Variants in TMEFF2 observed in about 807,000 individuals in gnomAD.
TMEFF2 encodes the protein tomoregulin-2.
Under a neutral mutation model 53.8 loss-of-function variants are expected in TMEFF2, and 28 were observed. That is an observed-to-expected ratio of 0.52 (90% confidence interval 0.39 to 0.71). The LOEUF (loss-of-function observed/expected upper bound fraction) is 0.71, where lower values mean the gene tolerates loss of function less well. Ranked by LOEUF, TMEFF2 falls within the 30% of genes least tolerant of loss-of-function variation. The probability of loss-of-function intolerance (pLI) is 0.00; values close to 1 mark genes in which losing one functional copy is unlikely to be tolerated. For synonymous variants in TMEFF2, 162 were observed against 166.3 expected (o/e 0.97, Z 0.20); for missense variants, 353 against 455.2 (o/e 0.78, Z 2.04).
At chr2:192,108,263 G>C (rs1001248320) in intron 4 of TMEFF2, among the ~76,000 whole-genome samples, 2 of 151,782 alleles carry the variant, frequency 1.3e-5, no homozygotes, top group African/African-American at 4.8e-5. Flanking sequence ...ACAAAAAGTA[G>C]CTAAATCAGA....
At chr2:191,967,706 C>T (rs915426278) in intron 7 of TMEFF2, among the ~76,000 whole-genome samples, 1 of 152,158 alleles carries the variant, frequency 6.6e-6, no homozygotes, top group Non-Finnish European at 1.5e-5. Flanking sequence ...GATCCCCCTT[C>T]CTTCCCCTGA....
chr2:191,994,740 C>T (rs547480460), intron 7 of TMEFF2, among the ~76,000 whole-genome samples: 2 of 151,936 alleles, frequency 1.3e-5, no homozygotes, highest in Non-Finnish European at 1.5e-5. Context: ...TTTGTGTTCC[C>T]GAATCTTTCT....
intron 2 of TMEFF2, among the ~76,000 whole-genome samples, chr2:192,186,874 T>C (rs1420889984): frequency 6.6e-6 from 1 of 152,300 alleles, no homozygotes; most frequent in South Asian, 2.1e-4. Flanking sequence ...CAAGTGCTAG[T>C]ACACAATGCT....
chr2:192,158,640 G>A (rs1202194108), intron 4 of TMEFF2, among the ~76,000 whole-genome samples: 2 of 152,110 alleles, frequency 1.3e-5, no homozygotes, highest in East Asian at 3.9e-4. Flanking sequence ...TACATTAGAT[G>A]TTATTACTCC....
chr2:192,024,830 AT>A (rs1686934572), intron 5 of TMEFF2, among the ~76,000 whole-genome samples: 1 of 152,238 alleles, frequency 6.6e-6, no homozygotes, highest in Non-Finnish European at 1.5e-5. Flanking sequence ...GAAAGTCAAC[AT>A]AGACTGGACT....
intron 7 of TMEFF2, among the ~76,000 whole-genome samples, chr2:191,978,066 A>G (rs1685773308): frequency 6.6e-6 from 1 of 152,094 alleles, no homozygotes. Context: ...AATTTTCTCT[A>G]CTTCTTTTTT....
chr2:191,964,903 T>G (rs1405400656), intron 7 of TMEFF2, among the ~76,000 whole-genome samples: 1 of 152,166 alleles, frequency 6.6e-6, no homozygotes, highest in East Asian at 1.9e-4. Context: ...AGCCCTCTCT[T>G]CCCTGGGTTT....
intron 7 of TMEFF2, among the ~76,000 whole-genome samples, chr2:191,966,750 CATACTT>C (rs2105799534): frequency 6.6e-6 from 1 of 152,254 alleles, no homozygotes; most frequent in Admixed American, 6.5e-5. Context: ...CATTTATTCT[CATACTT>C]AAAAGTATTT....
intron 2 of TMEFF2, among the ~76,000 whole-genome samples, chr2:192,188,890 T>A (rs1006570941): frequency 6.6e-6 from 1 of 150,790 alleles, no homozygotes; most frequent in South Asian, 2.1e-4. Context: ...TATCTGTCCA[T>A]CTACTGTCTC....
intron 7 of TMEFF2, among the ~76,000 whole-genome samples, chr2:191,958,529 CAGTT>C (rs1196090929): frequency 6.6e-6 from 1 of 152,126 alleles, no homozygotes; most frequent in Non-Finnish European, 1.5e-5. Context: ...CCCATACTGA[CAGTT>C]TGTTTCTGGA....
At chr2:191,955,824 A>C (rs1008299240) in intron 8 of TMEFF2, among the ~76,000 whole-genome samples, 1 of 151,926 alleles carries the variant, frequency 6.6e-6, no homozygotes, top group Non-Finnish European at 1.5e-5. Flanking sequence ...TTATGAGAAG[A>C]CCTGAAGGAC....
At chr2:192,077,483 A>AT (rs199819114) in intron 4 of TMEFF2, among the ~76,000 whole-genome samples, 11 of 152,084 alleles carry the variant, frequency 7.2e-5, no homozygotes, top group African/African-American at 2.2e-4. Flanking sequence ...ATGCCAATTT[A>AT]TTTTTTTTCT....
chr2:191,988,563 G>A (rs1191663417), intron 7 of TMEFF2, among the ~76,000 whole-genome samples: 1 of 152,152 alleles, frequency 6.6e-6, no homozygotes, highest in Non-Finnish European at 1.5e-5. Flanking sequence ...AAAGTCTATA[G>A]ACTAATAACA....
chr2:191,959,672 A>G (rs1361135236), intron 7 of TMEFF2, among the ~76,000 whole-genome samples: 1 of 152,210 alleles, frequency 6.6e-6, no homozygotes, highest in Non-Finnish European at 1.5e-5. Context: ...TTCCCTAAAA[A>G]GTTGAAAATA....
chr2:192,104,767 C>T (rs1689107477), intron 4 of TMEFF2, among the ~76,000 whole-genome samples: 1 of 151,848 alleles, frequency 6.6e-6, no homozygotes, highest in South Asian at 2.1e-4. Context: ...AATTTCTGGC[C>T]AATACATTCA....
chr2:192,187,421 G>C (rs928828843), intron 2 of TMEFF2, among the ~76,000 whole-genome samples: 1 of 152,080 alleles, frequency 6.6e-6, no homozygotes, highest in African/African-American at 2.4e-5. Flanking sequence ...TCAAGCCATG[G>C]TGTTTCTAGA....
chr2:192,187,214 T>C (rs1559163640), intron 2 of TMEFF2, among the ~76,000 whole-genome samples: 1 of 152,176 alleles, frequency 6.6e-6, no homozygotes, highest in Non-Finnish European at 1.5e-5. Flanking sequence ...TGTATATTAG[T>C]TAACAATGAA....
Position 191,950,230 on chromosome 2 carries a change from CTT to C in TMEFF2, c.*79_*80del, listed in dbSNP as rs931352203. 6.4e-6 allele frequency: 10 copies of C among 1,565,854 alleles called. No homozygotes were observed. Among genetic ancestry groups the C allele is most frequent in the South Asian group, 1.2e-5 (1 of 84,350 alleles). On this transcript the variant is annotated 3_prime_UTR_variant, in exon 10 of 10. Transcript: ENST00000272771. ...AATGCAAGGCAACATGTGTAGATCT[CTT>C]GTCTTATTCTTTTGTCTATAATACT... is the stretch of plus-strand genomic sequence containing the variant.
At chr2:192,149,157 G>C (rs928355729) in intron 4 of TMEFF2, among the ~76,000 whole-genome samples, 61 of 152,046 alleles carry the variant, frequency 4.0e-4, no homozygotes, top group African/African-American at 1.4e-3. Context: ...TGTTGGATTG[G>C]GAAGTCGGAT....
Sources: allele counts gnomAD v4.1 joint callset (sites outside exome capture counted in the v4.1 genomes callset), GRCh38; gene constraint gnomAD v4.1.1; transcripts MANE v1.5; gene names NCBI Gene and HGNC (gene_info 2026-07-23, HGNC 2026-07-21).